Variants in CCNJL observed in about 807,000 individuals in gnomAD.
CCNJL encodes the protein cyclin J like.
A neutral mutation model predicts 33.4 loss-of-function variants in CCNJL; 33 were observed. The ratio of observed to expected loss-of-function variants is 0.99; its 90% CI spans 0.75 to 1.32. The LOEUF (loss-of-function observed/expected upper bound fraction) is 1.32, where lower values mean the gene tolerates loss of function less well. Ranked by LOEUF, CCNJL falls within the 40% of genes most tolerant of loss-of-function variation. The pLI is 0.00. For missense variants in CCNJL, 512 were observed against 499.7 expected (o/e 1.02, Z -0.23); for synonymous variants, 227 against 220.9 (o/e 1.03, Z -0.24).
At chr5:160,336,281 G>A (rs1440627783) in intron 1 of CCNJL, among the ~76,000 whole-genome samples, 1 of 152,248 alleles carries the variant, frequency 6.6e-6, no homozygotes, top group Non-Finnish European at 1.5e-5. Flanking sequence ...GGTCTTTGCA[G>A]ATGTAATTAA....
chr5:160,288,699 T>C (rs1762485763), intron 2 of CCNJL, among the ~76,000 whole-genome samples: 2 of 151,706 alleles, frequency 1.3e-5, no homozygotes. Flanking sequence ...TGAAATCCTG[T>C]CTCTACTAAA....
In CCNJL at chr5:160,308,709, T is replaced by C. The variant is rs549153479; in HGVS notation, c.66+3149A>G. 1.9e-3 allele frequency among the ~76,000 whole-genome samples: 297 copies of C among 152,332 alleles called. 3 individuals carry two copies. Among genetic ancestry groups the C allele is most frequent in the African/African-American group, 6.7e-3 (280 of 41,574 alleles). ...GGAGGCGGAGGTTGCACTGAGCTGA[T>C]AGTGCCACTGCACTCTAGCCTGTGC... On this transcript the variant is annotated intron_variant, in intron 2 of 5. Coordinates refer to ENST00000257536, the MANE Select transcript of CCNJL (RefSeq NM_001308173.3).
At chr5:160,317,868 TC>T (rs1763396247), upstream of CCNJL, among the ~76,000 whole-genome samples, 1 of 152,164 alleles carries the variant, frequency 6.6e-6, no homozygotes, top group South Asian at 2.1e-4. Context: ...AATTCTTTTT[TC>T]CTCTTCCTGG....
At chr5:160,259,220 A>G (rs1045672939) in intron 4 of CCNJL, among the ~76,000 whole-genome samples, 1 of 152,268 alleles carries the variant, frequency 6.6e-6, no homozygotes, top group Non-Finnish European at 1.5e-5. Flanking sequence ...AAGAAAAATT[A>G]CCAGTTGATC....
intron 2 of CCNJL, among the ~76,000 whole-genome samples, chr5:160,288,124 A>T (rs894183002): frequency 9.2e-5 from 14 of 152,116 alleles, no homozygotes; most frequent in East Asian, 7.7e-4. Flanking sequence ...TATTATTATT[A>T]TTTTTTAACA....
intron 1 of CCNJL, among the ~76,000 whole-genome samples, chr5:160,322,279 C>T (rs1419717339): frequency 6.6e-6 from 1 of 152,202 alleles, no homozygotes; most frequent in East Asian, 1.9e-4. Flanking sequence ...CTTTTCCCAA[C>T]CCAGCCTGCT....
intron 1 of CCNJL, among the ~76,000 whole-genome samples, chr5:160,333,310 GAGATGGGGTTTCA>G (rs1763633987): frequency 6.6e-6 from 1 of 151,940 alleles, no homozygotes. Context: ...TATTTTAGTA[GAGATGGGGTTTCA>G]CCGTGTTAGC....
chr5:160,332,129 C>G (rs549171420), intron 1 of CCNJL, among the ~76,000 whole-genome samples: 13 of 152,192 alleles, frequency 8.5e-5, no homozygotes, highest in Admixed American at 2.6e-4. Context: ...TCACATTCAG[C>G]TAGCTTCCTT....
At chr5:160,282,113 T>G (rs142754926) in intron 2 of CCNJL, among the ~76,000 whole-genome samples, 1 of 152,322 alleles carries the variant, frequency 6.6e-6, no homozygotes, top group East Asian at 1.9e-4. Context: ...CGAAACAAAT[T>G]GGTGCCCCTC....
At chr5:160,306,004 T>C (rs1317561662) in intron 2 of CCNJL, among the ~76,000 whole-genome samples, 1 of 152,182 alleles carries the variant, frequency 6.6e-6, no homozygotes, top group Non-Finnish European at 1.5e-5. Flanking sequence ...CCGGGAACAG[T>C]GGCTCACGCC....
At chr5:160,265,945 T>C (rs1021655713) in intron 3 of CCNJL, among the ~76,000 whole-genome samples, 4 of 152,186 alleles carry the variant, frequency 2.6e-5, no homozygotes, top group African/African-American at 9.7e-5. Context: ...CGCTCTCCTA[T>C]TAAAAAATCT....
chr5:160,323,678 TGCCCA>T (rs1763501102), intron 1 of CCNJL, among the ~76,000 whole-genome samples: 1 of 152,070 alleles, frequency 6.6e-6, no homozygotes, highest in Admixed American at 6.6e-5. Flanking sequence ...GGCCAGGGGG[TGCCCA>T]CATAATTAGT....
In CCNJL at chr5:160,251,116, T is replaced by C. The variant is rs866217865; in HGVS notation, c.*2262A>G. On this transcript the variant is annotated 3_prime_UTR_variant, in exon 6 of 6. Coordinates refer to ENST00000257536, the MANE Select transcript of CCNJL (RefSeq NM_001308173.3). ...AGATGTGATTAACATTTACAATCAG[T>C]TGACTTTAAGAAAAGCCTCCATAAT... 2.4e-4 allele frequency: 36 copies of C among 152,344 alleles called. No individual in the cohort carries two copies. The highest frequency in any genetic ancestry group is 7.9e-4 in the African/African-American group (33 of 41,578). 9.4% of individuals were successfully genotyped at this position (152,344 alleles called of 1,614,324 possible).
At chr5:160,297,041 T>C (rs563969079) in intron 2 of CCNJL, among the ~76,000 whole-genome samples, 3 of 152,328 alleles carry the variant, frequency 2.0e-5, no homozygotes, top group African/African-American at 7.2e-5. Flanking sequence ...ACTTAGCTAA[T>C]GGAGGGGATC....
intron 1 of CCNJL, among the ~76,000 whole-genome samples, chr5:160,326,044 G>A (rs552774609): frequency 3.3e-5 from 5 of 152,306 alleles, no homozygotes; most frequent in South Asian, 4.1e-4. Context: ...GAGCGTGCAC[G>A]TACTCCAGGA....
chr5:160,282,230 A>G (rs1762238689), intron 2 of CCNJL, among the ~76,000 whole-genome samples: 2 of 152,204 alleles, frequency 1.3e-5, no homozygotes, highest in East Asian at 1.9e-4. Flanking sequence ...TTCAAGAGCT[A>G]TTCATTCATT....
chr5:160,253,479 T>C lies in CCNJL; in HGVS notation c.1063A>G (p.Met355Val), dbSNP rs1244838477. The change falls in exon 6 of 6, where the codon ATG (methionine) becomes GTG (valine). Residue 355 changes from methionine (M) to valine (V), a missense_variant. Physicochemically the swap from Met to Val is conservative, Grantham distance 21. Transcript: ENST00000257536. ...TGCCTGGGCTCAGCTGCAATGGCCATATGCATGCTAAGGGATGCAGGGACG... is the reference window on the plus strand; with the variant it reads ...TGCCTGGGCTCAGCTGCAATGGCCACATGCATGCTAAGGGATGCAGGGACG... ...VPVPASLSMH[M>V]AIAAEPRHCL... 3 of 1,614,008 alleles carry C rather than the reference T, an allele frequency of 1.9e-6. No homozygotes were observed. The highest frequency in any genetic ancestry group is 2.5e-6 in the Non-Finnish European group (3 of 1,179,978).
chr5:160,305,331 G>A (rs761557857), intron 2 of CCNJL, among the ~76,000 whole-genome samples: 54 of 152,312 alleles, frequency 3.5e-4, no homozygotes, highest in Middle Eastern at 3.4e-3. Context: ...GTCAGAGTTC[G>A]GCAAGCGGGG....
chr5:160,253,725 G>A lies in CCNJL; in HGVS notation c.817C>T (p.Pro273Ser). ...TGGAACAGCACTTGAGTGGGGGTGGGGGGTGTGCCGGGCACCATTGCCAAG... is the reference window on the plus strand; with the variant it reads ...TGGAACAGCACTTGAGTGGGGGTGGAGGGTGTGCCGGGCACCATTGCCAAG... Reference protein sequence around the residue: ...QALAMVPGTPPTPTQVLFQPP... With the variant: ...QALAMVPGTPSTPTQVLFQPP... The change falls in exon 6 of 6, where the codon CCC becomes TCC. Residue 273 changes from proline to serine, a missense_variant. Coordinates refer to ENST00000257536, the MANE Select transcript of CCNJL (RefSeq NM_001308173.3). 1 of 1,580,854 alleles carries A rather than the reference G, an allele frequency of 6.3e-7. No individual in the cohort carries two copies.
Sources: gnomAD v4.1 joint callset for allele counts (sites outside exome capture counted in the v4.1 genomes callset) on GRCh38, gnomAD v4.1.1 for gene constraint, MANE v1.5 for transcripts, NCBI Gene and HGNC (gene_info 2026-07-23, HGNC 2026-07-21) for gene names.